ZDHHC14: variants seen among roughly 807,000 people sequenced by gnomAD.
ZDHHC14 encodes zDHHC palmitoyltransferase 14.
ZDHHC14 carries 16 observed loss-of-function variants against 47.7 expected under a neutral mutation model. The observed-to-expected ratio is 0.34, with a 90% confidence interval of 0.23 to 0.51. The LOEUF (loss-of-function observed/expected upper bound fraction) is 0.51, where lower values mean the gene tolerates loss of function less well. Ranked by LOEUF, ZDHHC14 falls within the 20% of genes least tolerant of loss-of-function variation. ZDHHC14 has a pLI of 0.97. For missense variants in ZDHHC14, 515 were observed against 662.5 expected (o/e 0.78, Z 2.44); for synonymous variants, 293 against 278.9 (o/e 1.05, Z -0.50).
At chr6:157,513,504 C>T (rs1409389834) in intron 1 of ZDHHC14, among the ~76,000 whole-genome samples, 1 of 152,164 alleles carries the variant, frequency 6.6e-6, no homozygotes, top group Non-Finnish European at 1.5e-5. Flanking sequence ...ACCCCGAGCT[C>T]CATCTGGGAC....
At chr6:157,393,696 A>G (rs542180473) in intron 1 of ZDHHC14, among the ~76,000 whole-genome samples, 1 of 152,310 alleles carries the variant, frequency 6.6e-6, no homozygotes, top group African/African-American at 2.4e-5. Flanking sequence ...CTCTGGTGGT[A>G]TAAGATACTG....
intron 7 of ZDHHC14, among the ~76,000 whole-genome samples, chr6:157,649,232 T>C (rs1777703351): frequency 6.6e-6 from 1 of 152,214 alleles, no homozygotes; most frequent in Admixed American, 6.5e-5. Context: ...GATTCATGAA[T>C]CTGGCAGCTC....
chr6:157,615,333 G>A (rs1784923660), intron 3 of ZDHHC14, among the ~76,000 whole-genome samples: 1 of 152,202 alleles, frequency 6.6e-6, no homozygotes, highest in South Asian at 2.1e-4. Context: ...CAGGGGTATT[G>A]ATGTCGTACT....
In ZDHHC14 at chr6:157,675,326, T is replaced by A. The variant is rs2115021334; in HGVS notation, c.*2204T>A. The A allele has an allele frequency of 1.3e-5, 2 of 152,304 alleles. No homozygotes were observed. Among genetic ancestry groups the A allele is most frequent in the Admixed American group, 1.3e-4 (2 of 15,294 alleles). The allele number at this position is 152,304 out of a possible 1,614,324, so 9.4% of individuals were successfully genotyped here. A position where few individuals can be genotyped will look rare whatever the true frequency, so the allele number is the denominator to read the frequency against. ...CCTGTGACCAGCCCTTCTTCCCACC[T>A]CACTGTGAAAAATTCCCAGAAGCCA... On this transcript the variant is annotated 3_prime_UTR_variant, in exon 9 of 9. Transcript: ENST00000359775.
Position 157,630,729 on chromosome 6 carries a change from C to T in ZDHHC14, c.704-2105C>T, listed in dbSNP as rs561003446. The T allele has an allele frequency of 4.1e-4, 61 of 147,012 alleles. 1 individual carries two copies. The highest frequency in any genetic ancestry group is 2.0e-4 in the East Asian group (1 of 4,960). 9.1% of individuals were successfully genotyped at this position (147,012 alleles called of 1,614,324 possible). ...CACATACCCTTACACACCCACACAC[C>T]GCCTTACACACACATACTCGTACAC... On this transcript the variant is annotated intron_variant, in intron 4 of 8. Coordinates refer to ENST00000359775, the MANE Select transcript of ZDHHC14 (RefSeq NM_024630.3).
intron 3 of ZDHHC14, among the ~76,000 whole-genome samples, chr6:157,599,755 A>C (rs1784272327): frequency 1.3e-5 from 2 of 152,260 alleles, no homozygotes; most frequent in African/African-American, 4.8e-5. Context: ...GAAAACAGCA[A>C]CCAATAGGTT....
intron 1 of ZDHHC14, among the ~76,000 whole-genome samples, chr6:157,412,170 C>T (rs1426397286): frequency 6.6e-6 from 1 of 152,010 alleles, no homozygotes; most frequent in East Asian, 1.9e-4. Flanking sequence ...AACTCCTGAC[C>T]TCAAGTGATC....
chr6:157,644,539 C>T (rs138336763), intron 5 of ZDHHC14, among the ~76,000 whole-genome samples: 4 of 152,340 alleles, frequency 2.6e-5, no homozygotes, highest in African/African-American at 9.6e-5. Context: ...CCCATTCACT[C>T]CTGTTTTGTG....
chr6:157,638,620 A>T (rs544508759), intron 5 of ZDHHC14, among the ~76,000 whole-genome samples: 6 of 152,372 alleles, frequency 3.9e-5, no homozygotes, highest in Admixed American at 3.9e-4. Flanking sequence ...GCAAAACCTG[A>T]CAGGTCACAA....
At chr6:157,506,997 C>A (rs940559727) in intron 1 of ZDHHC14, among the ~76,000 whole-genome samples, 2 of 152,068 alleles carry the variant, frequency 1.3e-5, no homozygotes, top group African/African-American at 4.8e-5. Context: ...CCAGCCATCT[C>A]CTGTGACCCT....
At chr6:157,541,595 T>C (rs2365612) in intron 1 of ZDHHC14, among the ~76,000 whole-genome samples, 60,241 of 151,992 alleles carry the variant, frequency 0.4, 12,091 homozygotes, top group Admixed American at 0.45. Context: ...CCTAATTCCG[T>C]GATTCTGCGT....
chr6:157,499,966 G>A (rs1206882825), intron 1 of ZDHHC14, among the ~76,000 whole-genome samples: 2 of 152,190 alleles, frequency 1.3e-5, no homozygotes, highest in East Asian at 3.8e-4. Context: ...TTATGTTCTA[G>A]TAGGGATGTC....
intron 1 of ZDHHC14, among the ~76,000 whole-genome samples, chr6:157,382,494 C>CT (rs546631228): frequency 2.5e-4 from 38 of 152,294 alleles, no homozygotes; most frequent in African/African-American, 8.7e-4. Context: ...AAGGGGTCCA[C>CT]TTGCAAGGGG....
intron 2 of ZDHHC14, among the ~76,000 whole-genome samples, chr6:157,552,077 G>C (rs1782256683): frequency 1.3e-5 from 2 of 152,124 alleles, no homozygotes; most frequent in Non-Finnish European, 2.9e-5. Flanking sequence ...CAGAAGAAAT[G>C]ACGTCTTCTG....
chr6:157,497,777 A>T (rs932164264), intron 1 of ZDHHC14, among the ~76,000 whole-genome samples: 1 of 152,222 alleles, frequency 6.6e-6, no homozygotes, highest in Non-Finnish European at 1.5e-5. Flanking sequence ...AGGAGCCTGT[A>T]TCTCAGTGAC....
chr6:157,623,155 C>G (rs1302363865), intron 3 of ZDHHC14, among the ~76,000 whole-genome samples: 2 of 152,158 alleles, frequency 1.3e-5, no homozygotes, highest in Non-Finnish European at 2.9e-5. Context: ...AGCTCCTCAT[C>G]TTTTGATATG....
chr6:157,437,191 G>A (rs1024484279), intron 1 of ZDHHC14, among the ~76,000 whole-genome samples: 35 of 152,210 alleles, frequency 2.3e-4, no homozygotes, highest in Middle Eastern at 3.2e-3. Flanking sequence ...AGCACTGGGG[G>A]CCTTTGCTGG....
intron 1 of ZDHHC14, among the ~76,000 whole-genome samples, chr6:157,405,246 T>C (rs1763439960): frequency 6.6e-6 from 1 of 152,150 alleles, no homozygotes; most frequent in Non-Finnish European, 1.5e-5. Flanking sequence ...TGAGCTCTTT[T>C]TTTTGAGATG....
At chr6:157,482,260 CT>C (rs1231434907) in intron 1 of ZDHHC14, among the ~76,000 whole-genome samples, 19,068 of 127,190 alleles carry the variant, frequency 0.15, 1,120 homozygotes, top group Middle Eastern at 0.21. Context: ...CTTTTCTTTT[CT>C]TTTTTTTTTT....
Sources: gnomAD v4.1 joint callset for allele counts (sites outside exome capture counted in the v4.1 genomes callset) on GRCh38, gnomAD v4.1.1 for gene constraint, MANE v1.5 for transcripts, NCBI Gene and HGNC (gene_info 2026-07-23, HGNC 2026-07-21) for gene names.